Variants in MCRS1 observed in about 807,000 individuals in gnomAD.
MCRS1 encodes the protein 58 kDa microspherule protein.
In MCRS1, 22 loss-of-function variants were observed where a neutral mutation model predicts 62.9. That is an observed-to-expected ratio of 0.35 (90% CI 0.25 to 0.50). The LOEUF (loss-of-function observed/expected upper bound fraction) is 0.50, where lower values mean the gene tolerates loss of function less well. Among genes scored for constraint, MCRS1 ranks in the 20% least tolerant of loss-of-function variants. MCRS1 has a pLI of 0.98. For missense variants in MCRS1, 456 were observed against 601.1 expected (o/e 0.76, Z 2.52); for synonymous variants, 244 against 233.5 (o/e 1.04, Z -0.41).
intron 8 of MCRS1, among the ~76,000 whole-genome samples, chr12:49,561,692 C>T (rs917068928): frequency 6.6e-6 from 1 of 152,188 alleles, no homozygotes; most frequent in Non-Finnish European, 1.5e-5. Context: ...TGCAGTAGCG[C>T]GATCTTGGCT....
intron 6 of MCRS1, among the ~76,000 whole-genome samples, 174 bp from the exon 7 acceptor site, chr12:49,563,720 A>C (rs915976695): frequency 6.6e-6 from 1 of 152,212 alleles, no homozygotes. Flanking sequence ...AGGTTTGTCA[A>C]GTGAATGAAC....
At position 49,558,702 on chromosome 12, in the gene MCRS1, TAAGG is replaced by T. The variant is rs771805189; in HGVS notation, c.1326_1329del (p.Phe442LeufsTer42). The T allele has an allele frequency of 1.9e-6, 3 of 1,613,812 alleles. No homozygotes were observed. The highest frequency in any genetic ancestry group is 1.7e-5 in the Admixed American group (1 of 60,008). ...ATGAGGGCAATGAGGTCCTGGTTGA[TAAGG>T]AAGACGAATCGCAGGCTGGCGATCT... On this transcript the variant is annotated frameshift_variant, in exon 15 of 15. Coordinates refer to ENST00000343810, the MANE Select transcript of MCRS1 (RefSeq NM_006337.5). LOFTEE classifies it high-confidence loss of function.
intron 6 of MCRS1, 95 bp downstream of exon 6, chr12:49,564,386 A>G: frequency 1.9e-6 from 2 of 1,039,032 alleles, no homozygotes; most frequent in Non-Finnish European, 2.8e-6. Flanking sequence ...TGCCTCCCAG[A>G]CCCCTCCTGG....
rs749868812 is a variant in MCRS1, at chr12:49,558,874, T to C, written c.1271A>G (p.Lys424Arg). ...CACAGAGTTGTTGCTGAGGCGCCAT[T>C]TGGAGCCACAGAGCACCGGCCGTCC... ...IDGRPVLCGS[K>R]WRLSNNSVVE... Residue 424 changes from lysine to arginine, a missense_variant, in exon 14 of 15, where the codon AAA (lysine) becomes AGA (arginine). By Grantham distance (26) the Lys-to-Arg change is conservative. Coordinates refer to ENST00000343810, the MANE Select transcript of MCRS1 (RefSeq NM_006337.5). 27 of 1,612,958 alleles carry C rather than the reference T, an allele frequency of 1.7e-5. No homozygotes were observed. Among genetic ancestry groups the C allele is most frequent in the East Asian group, 2.2e-5 (1 of 44,876 alleles).
At chr12:49,566,390 C>A (rs1035313721) in intron 2 of MCRS1, 175 bp from the exon 3 acceptor site, 11 of 1,575,938 alleles carry the variant, frequency 7.0e-6, no homozygotes, top group Admixed American at 3.7e-5. Context: ...TGGGCTCAGA[C>A]CTGGCCCAGA....
In MCRS1 at chr12:49,566,842, C is replaced by T; in HGVS notation, c.-110-1G>A. 1 of 1,439,600 alleles carries T rather than the reference C, an allele frequency of 6.9e-7. No individual in the cohort carries two copies. Among genetic ancestry groups the T allele is most frequent in the Non-Finnish European group, 9.5e-7 (1 of 1,048,724 alleles). 89.2% of individuals were successfully genotyped at this position (1,439,600 alleles called of 1,614,324 possible). ...TGAGCTTAAAGGCTGAGAGGAGATT[C>T]TGCAAAGGAGAAATGAGGCTCCCTG... is the stretch of plus-strand genomic sequence containing the variant. On this transcript the variant is annotated splice_acceptor_variant, in intron 1 of 14. Coordinates refer to ENST00000343810, the MANE Select transcript of MCRS1 (RefSeq NM_006337.5). LOFTEE classifies it low-confidence loss of function (5UTR_SPLICE).
At position 49,558,397 on chromosome 12, in the gene MCRS1, G is replaced by C; in HGVS notation, c.*246C>G. On this transcript the variant is annotated 3_prime_UTR_variant, in exon 15 of 15. Coordinates refer to ENST00000343810, the MANE Select transcript of MCRS1 (RefSeq NM_006337.5). ...GACACAGGAGTGAAGGTGGCAATGG[G>C]GGGTAGGGTTGTTTTTAGAGAGAGG... is the stretch of plus-strand genomic sequence containing the variant. 3 of 530,366 alleles carry C rather than the reference G, an allele frequency of 5.7e-6. No individual in the cohort carries two copies. The highest frequency in any genetic ancestry group is 9.9e-6 in the Non-Finnish European group (3 of 301,514). The allele number at this position is 530,366 out of a possible 1,614,324, so 32.9% of individuals were successfully genotyped here.
chr12:49,558,561 G>A lies in MCRS1; in HGVS notation c.*82C>T. 1.4e-6 allele frequency: 2 copies of A among 1,449,454 alleles called. No homozygotes were observed. Among genetic ancestry groups the A allele is most frequent in the Non-Finnish European group, 1.9e-6 (2 of 1,050,746 alleles). 89.8% of individuals were successfully genotyped at this position (1,449,454 alleles called of 1,614,324 possible). Reference sequence around the variant, plus strand: ...GCCTCCCACTGCCCAGGTTTTTCCAGGAGCCTGAGTTCCCAGCTCAAGGGG... The same window carrying A: ...GCCTCCCACTGCCCAGGTTTTTCCAAGAGCCTGAGTTCCCAGCTCAAGGGG... On this transcript the variant is annotated 3_prime_UTR_variant, in exon 15 of 15. Transcript: ENST00000343810.
chr12:49,560,828 C>A (rs1449129190), intron 8 of MCRS1, among the ~76,000 whole-genome samples: 2 of 152,190 alleles, frequency 1.3e-5, no homozygotes, highest in Non-Finnish European at 2.9e-5. Flanking sequence ...TTTCCTGCCA[C>A]GCTGTGAGGG....
Position 49,558,586 on chromosome 12 carries a change from G to A in MCRS1, c.*57C>T. Reference sequence around the variant, plus strand: ...GGAGCCTGAGTTCCCAGCTCAAGGGGGCTGGAGTGGCAGGGGAAACAGGCC... The same window carrying A: ...GGAGCCTGAGTTCCCAGCTCAAGGGAGCTGGAGTGGCAGGGGAAACAGGCC... On this transcript the variant is annotated 3_prime_UTR_variant, in exon 15 of 15. Transcript: ENST00000343810. 2 of 1,556,518 alleles carry A rather than the reference G, an allele frequency of 1.3e-6. No individual in the cohort carries two copies. The highest frequency in any genetic ancestry group is 1.8e-6 in the Non-Finnish European group (2 of 1,132,706).
Position 49,566,569 on chromosome 12 carries a change from T to A in MCRS1, c.10+153A>T, listed in dbSNP as rs542878507. The A allele has an allele frequency of 9.4e-5, 139 of 1,480,130 alleles. 2 individuals carry two copies. The South Asian group carries it at 1.6e-3, about 17-fold the overall frequency. 91.7% of individuals were successfully genotyped at this position (1,480,130 alleles called of 1,614,324 possible). The stretch of plus-strand genomic sequence containing the variant: ...GCAGCTCAACAGCAAGTCAGTCAAC[T>A]GTGGCTCTGCCGACAGGTACATGGG... On this transcript the variant is annotated intron_variant, in intron 2 of 14. Coordinates refer to ENST00000343810, the MANE Select transcript of MCRS1 (RefSeq NM_006337.5).
In MCRS1 at chr12:49,559,333, C is replaced by A; in HGVS notation, c.1087-32G>T. Reference sequence around the variant, plus strand: ...AAATGGGGCAGGTGAGGGCTGGGACCTGAAGAATTGGGGGAGTAGGTCTAT... The same window carrying A: ...AAATGGGGCAGGTGAGGGCTGGGACATGAAGAATTGGGGGAGTAGGTCTAT... On this transcript the variant is annotated intron_variant, in intron 12 of 14. Coordinates refer to ENST00000343810, the MANE Select transcript of MCRS1 (RefSeq NM_006337.5). This position sits in a 1 kb window ranked among gnomAD's most constrained non-coding sequence, Gnocchi z 5.2. The A allele has an allele frequency of 6.2e-7, 1 of 1,610,770 alleles. No homozygotes were observed. Among genetic ancestry groups the A allele is most frequent in the Non-Finnish European group, 8.5e-7 (1 of 1,177,076 alleles).
At position 49,564,831 on chromosome 12, in the gene MCRS1, C is replaced by T. The variant is rs753235617; in HGVS notation, c.353G>A (p.Arg118His). ...SPAPAPGLTKRVKKSKQPLQV... is the reference protein window; with the variant it reads ...SPAPAPGLTKHVKKSKQPLQV... The stretch of plus-strand genomic sequence containing the variant: ...AAGTGGCTGTTTACTCTTCTTCACA[C>T]GCTTGGTGAGTCCAGGGGCTGGGGC... The change falls in exon 5 of 15, where the codon CGT becomes CAT. Residue 118 changes from arginine to histidine, a missense_variant. Physicochemically the swap from Arg to His is conservative, Grantham distance 29 (BLOSUM62 0). Around this residue, in one of 3 missense-constraint regions of MCRS1, gnomAD observed 393 missense variants for 523.5 expected, o/e 0.75. Transcript: ENST00000343810. 12 of 1,614,090 alleles carry T rather than the reference C, an allele frequency of 7.4e-6. No homozygotes were observed. Among genetic ancestry groups the T allele is most frequent in the Admixed American group, 3.3e-5 (2 of 60,032 alleles).
chr12:49,565,385 G>A (rs1174946591), intron 4 of MCRS1, 144 bp downstream of exon 4: 1 of 1,500,762 alleles, frequency 6.7e-7, no homozygotes, highest in Non-Finnish European at 8.9e-7. Context: ...TGTGTTCCCA[G>A]GAGGGGGGCA....
chr12:49,563,657 C>A (rs1264466416), intron 6 of MCRS1, 111 bp from the exon 7 acceptor site: 3 of 748,062 alleles, frequency 4.0e-6, no homozygotes, highest in Non-Finnish European at 6.5e-6. Context: ...AACCTAGAGG[C>A]CAGGCCCTCA....
chr12:49,559,332 C>A lies in MCRS1; in HGVS notation c.1087-31G>T, dbSNP rs367592213. ...GAAATGGGGCAGGTGAGGGCTGGGA[C>A]CTGAAGAATTGGGGGAGTAGGTCTA... On this transcript the variant is annotated intron_variant, in intron 12 of 14. Coordinates refer to ENST00000343810, the MANE Select transcript of MCRS1 (RefSeq NM_006337.5). This position sits in a 1 kb window ranked among gnomAD's most constrained non-coding sequence, Gnocchi z 5.2. 1 of 1,610,728 alleles carries A rather than the reference C, an allele frequency of 6.2e-7. No homozygotes were observed. Among genetic ancestry groups the A allele is most frequent in the Non-Finnish European group, 8.5e-7 (1 of 1,177,142 alleles).
rs778186172 is a variant in MCRS1 at position 49,565,706 on chromosome 12, C to T, written c.150-39G>A. The T allele has an allele frequency of 6.2e-6, 10 of 1,613,806 alleles. No individual in the cohort carries two copies. The African/African-American group carries it at 1.3e-4, about 22-fold the overall frequency. ...TGCCCAGTGAACACTCCTTACCCCA[C>T]CCTGGTACCCATTCACACACCCCCA... On this transcript the variant is annotated intron_variant, in intron 3 of 14. Coordinates refer to ENST00000343810, the MANE Select transcript of MCRS1 (RefSeq NM_006337.5).
chr12:49,566,305 C>G lies in MCRS1; in HGVS notation c.11-90G>C, dbSNP rs1043537304. On this transcript the variant is annotated intron_variant, in intron 2 of 14. Transcript: ENST00000343810. ...CTCCCCAGCCCCCTTCCCCTGCCAG[C>G]CCTCTTGGCCCCTCCCCTGCCTCCT... The G allele has an allele frequency of 2.9e-5, 45 of 1,558,798 alleles. No homozygotes were observed. The African/African-American group carries it at 5.4e-4, about 19-fold the overall frequency.
At chr12:49,561,077 G>A (rs765968943) in intron 8 of MCRS1, among the ~76,000 whole-genome samples, 2 of 152,140 alleles carry the variant, frequency 1.3e-5, no homozygotes, top group Non-Finnish European at 2.9e-5. Flanking sequence ...AATGTGAAAG[G>A]AAGTCGGGAA....
Sources: gnomAD v4.1 joint callset for allele counts (sites outside exome capture counted in the v4.1 genomes callset) on GRCh38, gnomAD v4.1.1 for gene constraint, gnomAD v4.1.1 regional missense constraint, Gnocchi (gnomAD v3.1) non-coding constraint, MANE v1.5 for transcripts, NCBI Gene and HGNC (gene_info 2026-07-23, HGNC 2026-07-21) for gene names.